NR3C2: variants seen among roughly 807,000 people sequenced by gnomAD.
The protein encoded by NR3C2 is nuclear receptor subfamily 3 group C member 2.
A neutral mutation model predicts 86.4 loss-of-function variants in NR3C2; 15 were observed. The ratio of observed to expected loss-of-function variants is 0.17; its 90% confidence interval spans 0.12 to 0.27. NR3C2 has a LOEUF of 0.27. Ranked by LOEUF, NR3C2 falls within the 10% of genes least tolerant of loss-of-function variation. NR3C2 has a pLI of 1.00. For missense variants in NR3C2, 960 were observed against 1,195.6 expected (o/e 0.80, Z 2.91); for synonymous variants, 458 against 450.5 (o/e 1.02, Z -0.21).
intron 3 of NR3C2, among the ~76,000 whole-genome samples, chr4:148,224,417 C>T (rs1738036156): frequency 6.6e-6 from 1 of 152,170 alleles, no homozygotes; most frequent in African/African-American, 2.4e-5. Context: ...CAGTAAAGCT[C>T]AAAGCAAGCA....
At chr4:148,108,108 TTG>T (rs1279045313) in intron 8 of NR3C2, among the ~76,000 whole-genome samples, 1 of 152,186 alleles carries the variant, frequency 6.6e-6, no homozygotes, top group East Asian at 1.9e-4. Context: ...TTTTTGTTTT[TTG>T]TTTTTTTTAT....
intron 2 of NR3C2, among the ~76,000 whole-genome samples, chr4:148,289,447 T>A (rs1296862218): frequency 1.3e-5 from 2 of 152,208 alleles, no homozygotes; most frequent in Non-Finnish European, 2.9e-5. Context: ...CAGGCCTTAA[T>A]ATACCTTAAG....
intron 2 of NR3C2, among the ~76,000 whole-genome samples, chr4:148,421,577 T>A (rs941256930): frequency 1.2e-4 from 19 of 152,194 alleles, no homozygotes; most frequent in Admixed American, 2.6e-4. Context: ...ATAACTCAGC[T>A]TGGTTAATAT....
At chr4:148,316,578 G>C (rs868775209) in intron 2 of NR3C2, among the ~76,000 whole-genome samples, 7 of 152,090 alleles carry the variant, frequency 4.6e-5, no homozygotes, top group Admixed American at 1.3e-4. Context: ...AGGTATATCT[G>C]AAATGCTCTC....
At chr4:148,148,544 G>A (rs931672784) in intron 6 of NR3C2, among the ~76,000 whole-genome samples, 1 of 152,272 alleles carries the variant, frequency 6.6e-6, no homozygotes, top group African/African-American at 2.4e-5. Context: ...CCTGGCCTTA[G>A]GCTCCCCTCC....
At chr4:148,296,091 C>A (rs1276860041) in intron 2 of NR3C2, among the ~76,000 whole-genome samples, 1 of 141,812 alleles carries the variant, frequency 7.1e-6, no homozygotes, top group African/African-American at 2.6e-5. Flanking sequence ...CAAGACAGGG[C>A]TAGGCAGACC....
intron 3 of NR3C2, among the ~76,000 whole-genome samples, chr4:148,247,690 A>C (rs1297960801): frequency 6.6e-6 from 1 of 151,306 alleles, no homozygotes; most frequent in African/African-American, 2.4e-5. Flanking sequence ...CATAGTAAGC[A>C]CTCCACAGCT....
chr4:148,343,480 A>T (rs919236116), intron 2 of NR3C2, among the ~76,000 whole-genome samples: 5 of 136,838 alleles, frequency 3.7e-5, no homozygotes, highest in African/African-American at 5.6e-5. Context: ...CCTGTTCCCC[A>T]GGATGCCCAT....
intron 2 of NR3C2, among the ~76,000 whole-genome samples, chr4:148,364,789 G>A (rs1229472781): frequency 2.7e-5 from 4 of 150,594 alleles, no homozygotes; most frequent in East Asian, 2.0e-4. Context: ...CAAATTGCTC[G>A]GGACCAGAAG....
intron 2 of NR3C2, among the ~76,000 whole-genome samples, chr4:148,387,745 T>C (rs72656894): frequency 2.0e-5 from 3 of 152,216 alleles, no homozygotes; most frequent in Non-Finnish European, 4.4e-5. Context: ...TCAGTAACTG[T>C]GGTAATCCCA....
At chr4:148,171,364 A>G (rs1735115674) in intron 4 of NR3C2, among the ~76,000 whole-genome samples, 1 of 152,016 alleles carries the variant, frequency 6.6e-6, no homozygotes, top group African/African-American at 2.4e-5. Context: ...GCAGCTTCAC[A>G]CTCCCCAGTT....
intron 2 of NR3C2, among the ~76,000 whole-genome samples, chr4:148,403,154 A>C (rs1487436654): frequency 6.6e-6 from 1 of 152,112 alleles, no homozygotes; most frequent in East Asian, 1.9e-4. Flanking sequence ...TTAAAAAATG[A>C]AATTACAAAA....
At chr4:148,254,907 A>G (rs1322220453) in intron 3 of NR3C2, among the ~76,000 whole-genome samples, 1 of 152,140 alleles carries the variant, frequency 6.6e-6, no homozygotes, top group African/African-American at 2.4e-5. Flanking sequence ...CATCTAATAA[A>G]TATACATTAA....
At chr4:148,263,082 A>T (rs1406763860) in intron 2 of NR3C2, among the ~76,000 whole-genome samples, 1 of 151,952 alleles carries the variant, frequency 6.6e-6, no homozygotes, top group Non-Finnish European at 1.5e-5. Context: ...TTATGCATTC[A>T]TTCCTTTTCT....
At chr4:148,235,162 C>T (rs1738684029) in intron 3 of NR3C2, among the ~76,000 whole-genome samples, 1 of 151,510 alleles carries the variant, frequency 6.6e-6, no homozygotes, top group Admixed American at 6.6e-5. Context: ...ATTGTAAACA[C>T]TTATAAAAAC....
intron 2 of NR3C2, among the ~76,000 whole-genome samples, chr4:148,421,307 T>A (rs1749269658): frequency 6.6e-6 from 1 of 152,242 alleles, no homozygotes; most frequent in African/African-American, 2.4e-5. Flanking sequence ...TAAGTGCTTT[T>A]AATGTGCACT....
intron 2 of NR3C2, among the ~76,000 whole-genome samples, chr4:148,277,013 T>C (rs1203478690): frequency 1.3e-5 from 2 of 152,242 alleles, no homozygotes; most frequent in East Asian, 3.8e-4. Context: ...TAGTAACATT[T>C]AATCACATTT....
chr4:148,373,684 G>T (rs1746532208), intron 2 of NR3C2, among the ~76,000 whole-genome samples: 1 of 151,764 alleles, frequency 6.6e-6, no homozygotes, highest in South Asian at 2.1e-4. Flanking sequence ...TACTGTATTG[G>T]CCAGGATGGT....
In NR3C2 at chr4:148,435,794, C is replaced by T. The variant is rs1432072958; in HGVS notation, c.1067G>A (p.Arg356Gln). 2 of 1,613,972 alleles carry T rather than the reference C, an allele frequency of 1.2e-6. No homozygotes were observed. The highest frequency in any genetic ancestry group is 1.7e-6 in the Non-Finnish European group (2 of 1,180,002). ...SGTSAGSSTLRDVVPSPDTQE... is the reference protein window; with the variant it reads ...SGTSAGSSTLQDVVPSPDTQE... ...CGTGTCTGGACTGGGAACCACATCC[C>T]GCAATGTACTGGATCCAGCAGAGGT... Residue 356 changes from arginine (R) to glutamine (Q), a missense_variant, in exon 2 of 9, where the codon CGG (arginine) becomes CAG (glutamine). Coordinates refer to ENST00000358102, the MANE Select transcript of NR3C2 (RefSeq NM_000901.5).
Sources: allele counts gnomAD v4.1 joint callset (sites outside exome capture counted in the v4.1 genomes callset), GRCh38; gene constraint gnomAD v4.1.1; transcripts MANE v1.5; gene names NCBI Gene and HGNC (gene_info 2026-07-23, HGNC 2026-07-21).